SLC4A4: variants seen among roughly 807,000 people sequenced by gnomAD.
The protein encoded by SLC4A4 is electrogenic sodium bicarbonate cotransporter 1.
SLC4A4 carries 27 observed loss-of-function variants against 111.5 expected under a neutral mutation model. That is an observed-to-expected ratio of 0.24 (90% CI 0.18 to 0.33). The LOEUF (loss-of-function observed/expected upper bound fraction) is 0.33. SLC4A4 is among the 10% of genes least tolerant of loss of function. The pLI, the probability that SLC4A4 is intolerant of heterozygous loss-of-function variation, is 1.00. For missense variants in SLC4A4, 909 were observed against 1,315.5 expected, an observed-to-expected ratio of 0.69 and a Z score of 4.78; for synonymous variants, 443 against 463.4, an observed-to-expected ratio of 0.96 and a Z score of 0.57.
chr4:71,466,554 G>C lies in SLC4A4; in HGVS notation c.1608G>C (p.Glu536Asp). 1 of 1,613,460 alleles carries C rather than the reference G, an allele frequency of 6.2e-7. No homozygotes were observed. Reference protein sequence around the residue: ...LSSTGPVLVFERLLFNFSKDN... With the variant: ...LSSTGPVLVFDRLLFNFSKDN... ...GCACCGGACCTGTCCTAGTTTTTGAGAGGCTTCTATTTAATTTCAGCAAGT... is the reference window on the plus strand; with the variant it reads ...GCACCGGACCTGTCCTAGTTTTTGACAGGCTTCTATTTAATTTCAGCAAGT... The change falls in exon 13 of 26, where the codon GAG (glutamate) becomes GAC (aspartate). Residue 536 changes from glutamate to aspartate, a missense_variant. By Grantham distance (45) the Glu-to-Asp change is conservative. Around this residue, in one of 7 missense-constraint regions of SLC4A4, gnomAD observed 23 missense variants for 77.7 expected, o/e 0.30. Coordinates refer to ENST00000264485, the MANE Select transcript of SLC4A4 (RefSeq NM_001098484.3).
At chr4:71,555,115 G>A (rs1256778238) in intron 20 of SLC4A4, 25 bp from the exon 21 acceptor site, 52 of 1,514,234 alleles carry the variant, frequency 3.4e-5, no homozygotes, top group Non-Finnish European at 4.6e-5. Context: ...TCATTTTTAA[G>A]TTGTATCCAT....
At chr4:71,152,010 C>T (rs879617329) in intron 2 of SLC4A4, among the ~76,000 whole-genome samples, 2 of 151,688 alleles carry the variant, frequency 1.3e-5, no homozygotes, top group South Asian at 4.2e-4. Flanking sequence ...GGTGACAGAG[C>T]AAAACCCTCT....
In SLC4A4 at chr4:71,539,282, AT is replaced by A. The variant is rs796529663; in HGVS notation, c.2442+4904del. ...TCCTTGCTTCATTCCAAAAGCCTTC[AT>A]TTTTTTTTTAAATGCTATTCTTGTA... On this transcript the variant is annotated intron_variant, in intron 18 of 25. Coordinates refer to ENST00000264485, the MANE Select transcript of SLC4A4 (RefSeq NM_001098484.3). Among the ~76,000 whole-genome samples, 539 of 149,172 alleles carry A rather than the reference AT, an allele frequency of 3.6e-3. 6 individuals carry two copies. The highest frequency in any genetic ancestry group is 0.011 in the African/African-American group (459 of 40,590).
chr4:71,207,733 T>A (rs539497706), intron 1 of SLC4A4, among the ~76,000 whole-genome samples: 1 of 152,352 alleles, frequency 6.6e-6, no homozygotes, highest in East Asian at 1.9e-4. Flanking sequence ...TTATTTTCTT[T>A]GTGTAGAAAA....
intron 1 of SLC4A4, among the ~76,000 whole-genome samples, chr4:71,089,290 C>T (rs560561039): frequency 6.6e-6 from 1 of 151,998 alleles, no homozygotes; most frequent in African/African-American, 2.4e-5. Flanking sequence ...TTCTAGTTGG[C>T]CATTTGTCTA....
chr4:71,515,058 C>G (rs1732257341), intron 16 of SLC4A4, among the ~76,000 whole-genome samples: 1 of 151,660 alleles, frequency 6.6e-6, no homozygotes, highest in Admixed American at 6.6e-5. Flanking sequence ...TTTTCTGTTT[C>G]CTTGATGTGC....
intron 1 of SLC4A4, among the ~76,000 whole-genome samples, chr4:71,203,135 T>C (rs1023851199): frequency 6.6e-6 from 1 of 152,164 alleles, no homozygotes; most frequent in African/African-American, 2.4e-5. Context: ...TTAATGTTTA[T>C]ATATGATGAG....
At chr4:71,372,293 T>G (rs1731965741) in intron 6 of SLC4A4, among the ~76,000 whole-genome samples, 1 of 152,232 alleles carries the variant, frequency 6.6e-6, no homozygotes, top group Non-Finnish European at 1.5e-5. Flanking sequence ...CCATTTCAAA[T>G]GCTGCCAAGG....
intron 2 of SLC4A4, among the ~76,000 whole-genome samples, chr4:71,134,700 A>G (rs1423091045): frequency 6.6e-6 from 1 of 152,222 alleles, no homozygotes; most frequent in Non-Finnish European, 1.5e-5. Flanking sequence ...TGAGGGCCTC[A>G]GTAGCGCTGA....
chr4:71,466,954 AGAGAGAGAGAGG>A (rs1295366912), intron 13 of SLC4A4, among the ~76,000 whole-genome samples: 72 of 121,348 alleles, frequency 5.9e-4, no homozygotes, highest in African/African-American at 1.9e-3. Flanking sequence ...AGAGAGAGAG[AGAGAGAGAGAGG>A]GAGAGAGAGA....
At chr4:71,114,531 G>GAACA (rs2148953255) in intron 2 of SLC4A4, among the ~76,000 whole-genome samples, 1 of 150,444 alleles carries the variant, frequency 6.6e-6, no homozygotes, top group Admixed American at 6.6e-5. Context: ...CGAAGGACAT[G>GAACA]AACAGACACT....
chr4:71,546,280 C>T (rs1312853675), intron 18 of SLC4A4, 70 bp from the exon 19 acceptor site: 10 of 1,347,824 alleles, frequency 7.4e-6, no homozygotes, highest in Admixed American at 3.4e-5. Context: ...TCTTAATTCC[C>T]CTCTGGAAAT....
At chr4:71,145,861 G>A (rs1207743650) in intron 2 of SLC4A4, among the ~76,000 whole-genome samples, 1 of 152,032 alleles carries the variant, frequency 6.6e-6, no homozygotes, top group Non-Finnish European at 1.5e-5. Context: ...AGCCTTGCTA[G>A]CGGTCTATCA....
chr4:71,486,885 A>T (rs1292186251), intron 14 of SLC4A4, 63 bp from the exon 15 acceptor site: 1 of 966,028 alleles, frequency 1.0e-6, no homozygotes, highest in Non-Finnish European at 1.6e-6. Flanking sequence ...ATACCTAATT[A>T]TGCATTTAAG....
Position 71,397,533 on chromosome 4 carries a change from A to G in SLC4A4, c.731-44A>G, listed in dbSNP as rs374936492. The G allele has an allele frequency of 5.3e-6, 8 of 1,512,086 alleles. No individual in the cohort carries two copies. In the African/African-American group the frequency reaches 9.6e-5, roughly 18 times the overall value. The allele number at this position is 1,512,086 out of a possible 1,614,324, so 93.7% of individuals were successfully genotyped here. On this transcript the variant is annotated intron_variant, in intron 6 of 25. Transcript: ENST00000264485. Reference sequence around the variant, plus strand: ...AGTATACCACCAAAGTCTTTGTGTTATTGAAAAGAAGTCTTTAATTAGAGT... The same window carrying G: ...AGTATACCACCAAAGTCTTTGTGTTGTTGAAAAGAAGTCTTTAATTAGAGT...
At chr4:71,466,298 G>T (rs1727304664) in intron 12 of SLC4A4, 146 bp from the exon 13 acceptor site, 1 of 876,678 alleles carries the variant, frequency 1.1e-6, no homozygotes. Flanking sequence ...ATATGCATAT[G>T]GGTAAAAGAC....
intron 2 of SLC4A4, among the ~76,000 whole-genome samples, chr4:71,143,283 A>AT (rs1243428746): frequency 1.3e-5 from 2 of 152,042 alleles, no homozygotes; most frequent in African/African-American, 4.8e-5. Flanking sequence ...TGAACTCATC[A>AT]TTTTTTATGG....
chr4:71,153,068 T>A (rs190013845), intron 2 of SLC4A4, among the ~76,000 whole-genome samples: 1 of 145,866 alleles, frequency 6.9e-6, no homozygotes, highest in Admixed American at 6.9e-5. Context: ...TAAAAGGAAG[T>A]TTATTAAGTA....
chr4:71,106,108 C>T (rs1356229447), intron 2 of SLC4A4, among the ~76,000 whole-genome samples: 19 of 150,116 alleles, frequency 1.3e-4, no homozygotes, highest in Middle Eastern at 6.8e-3. Context: ...AAAAAGTGGG[C>T]GAAGGACATG....
Sources: gnomAD v4.1 joint callset for allele counts (sites outside exome capture counted in the v4.1 genomes callset) on GRCh38, gnomAD v4.1.1 for gene constraint, gnomAD v4.1.1 regional missense constraint, MANE v1.5 for transcripts, NCBI Gene and HGNC (gene_info 2026-07-23, HGNC 2026-07-21) for gene names.